The following BTRC variants were observed in gnomAD, a reference collection of about 807,000 sequenced individuals.
BTRC encodes beta-transducin repeat containing E3 ubiquitin protein ligase, also known as F-box/WD repeat-containing protein 1A.
Under a neutral mutation model 85.5 loss-of-function variants are expected in BTRC, and 42 were observed. That is an observed-to-expected ratio of 0.49 (90% CI 0.38 to 0.64). The LOEUF (loss-of-function observed/expected upper bound fraction) is 0.64, where lower values mean the gene tolerates loss of function less well. BTRC is among the 30% of genes least tolerant of loss of function. The pLI, the probability that BTRC is intolerant of heterozygous loss-of-function variation, is 0.00. For synonymous variants in BTRC, 255 were observed against 263.3 expected (o/e 0.97, Z 0.30); for missense variants, 594 against 743.5 (o/e 0.80, Z 2.34).
chr10:101,507,668 G>T (rs1414344664), intron 4 of BTRC, among the ~76,000 whole-genome samples: 1 of 152,114 alleles, frequency 6.6e-6, no homozygotes, highest in Non-Finnish European at 1.5e-5. Context: ...TTTGCTGAAG[G>T]ATGTTGGAAT....
At chr10:101,427,601 C>T (rs1260444665) in intron 1 of BTRC, among the ~76,000 whole-genome samples, 1 of 151,592 alleles carries the variant, frequency 6.6e-6, no homozygotes, top group East Asian at 1.9e-4. Context: ...GATCACCGCT[C>T]ATTGCTGCCC....
intron 2 of BTRC, among the ~76,000 whole-genome samples, chr10:101,447,906 GTAT>G (rs1564778857): frequency 6.6e-6 from 1 of 152,006 alleles, no homozygotes; most frequent in Non-Finnish European, 1.5e-5. Flanking sequence ...AATCAACCAA[GTAT>G]TATTAATATT....
chr10:101,534,730 GC>G lies in BTRC; in HGVS notation c.1168del (p.Arg390ValfsTer6). ...ACCATTGTGAAGCAGTTCTGCACTTGCGTTTCAATAATGGCATGATGGTGAC... is the reference window on the plus strand; with the variant it reads ...ACCATTGTGAAGCAGTTCTGCACTTGGTTTCAATAATGGCATGATGGTGAC... ...IHHCEAVLHL[R>X]FNNGMMVTCS... is the part of the protein sequence containing the mutation. On this transcript the variant is annotated frameshift_variant, in exon 10 of 15. Coordinates refer to ENST00000370187, the MANE Select transcript of BTRC (RefSeq NM_033637.4). LOFTEE classifies it high-confidence loss of function. 2 of 1,614,158 alleles carry G rather than the reference GC, an allele frequency of 1.2e-6. No individual in the cohort carries two copies. Among genetic ancestry groups the G allele is most frequent in the East Asian group, 2.2e-5 (1 of 44,890 alleles).
At chr10:101,370,805 C>T (rs1423262654) in intron 1 of BTRC, among the ~76,000 whole-genome samples, 1 of 152,072 alleles carries the variant, frequency 6.6e-6, no homozygotes, top group East Asian at 1.9e-4. Flanking sequence ...CTCCTGGGCT[C>T]AAGTGATTCA....
intron 13 of BTRC, among the ~76,000 whole-genome samples, chr10:101,541,444 T>C (rs540845825): frequency 1.3e-5 from 2 of 152,070 alleles, no homozygotes; most frequent in Non-Finnish European, 2.9e-5. Context: ...TATTTTTTAG[T>C]AGAGACGGGG....
rs564415359 is a variant in BTRC at position 101,533,146 on chromosome 10, G to A, written c.1097+76G>A. ...GTTCTTTGTCATAGATAGTAATTTT[G>A]TATATATCGGCACAGTTCTGAAACT... On this transcript the variant is annotated intron_variant, in intron 9 of 14. Coordinates refer to ENST00000370187, the MANE Select transcript of BTRC (RefSeq NM_033637.4). 2.0e-5 allele frequency: 21 copies of A among 1,042,020 alleles called. No homozygotes were observed. In the South Asian group the frequency reaches 2.2e-4, roughly 11 times the overall value. The allele number at this position is 1,042,020 out of a possible 1,614,324, so 64.5% of individuals were successfully genotyped here.
At chr10:101,477,677 T>G (rs921931146) in intron 3 of BTRC, among the ~76,000 whole-genome samples, 5 of 152,126 alleles carry the variant, frequency 3.3e-5, no homozygotes, top group Non-Finnish European at 7.3e-5. Flanking sequence ...GGAGACAATG[T>G]CTTGCTCTGT....
At chr10:101,460,316 C>T (rs549678961) in intron 2 of BTRC, among the ~76,000 whole-genome samples, 6 of 152,126 alleles carry the variant, frequency 3.9e-5, no homozygotes, top group Admixed American at 3.9e-4. Flanking sequence ...TCTTACATAG[C>T]ATGTATTGCC....
At chr10:101,441,790 C>T (rs905967149) in intron 2 of BTRC, among the ~76,000 whole-genome samples, 5 of 144,482 alleles carry the variant, frequency 3.5e-5, no homozygotes, top group South Asian at 2.1e-4. Flanking sequence ...CTAAGGCACG[C>T]GAATCGCTTG....
intron 1 of BTRC, among the ~76,000 whole-genome samples, chr10:101,366,997 T>TATAA (rs1171228565): frequency 8.6e-5 from 5 of 58,018 alleles, no homozygotes; most frequent in African/African-American, 3.6e-4. Context: ...TATATATTAA[T>TATAA]ATATATATTT....
At chr10:101,506,975 A>G (rs955109450) in intron 4 of BTRC, among the ~76,000 whole-genome samples, 1 of 152,228 alleles carries the variant, frequency 6.6e-6, no homozygotes, top group Non-Finnish European at 1.5e-5. Flanking sequence ...AGTTCATACC[A>G]TGTCTTAGGA....
At chr10:101,457,981 T>C (rs1447858657) in intron 2 of BTRC, among the ~76,000 whole-genome samples, 1 of 152,152 alleles carries the variant, frequency 6.6e-6, no homozygotes, top group Admixed American at 6.6e-5. Flanking sequence ...CGCACATACA[T>C]CCATTTATGT....
intron 2 of BTRC, among the ~76,000 whole-genome samples, chr10:101,447,801 A>G (rs1214848395): frequency 6.6e-6 from 1 of 152,162 alleles, no homozygotes; most frequent in East Asian, 1.9e-4. Flanking sequence ...CAGTGCTACA[A>G]CGATTATTAA....
chr10:101,433,039 A>G lies in BTRC; in HGVS notation c.156+2587A>G, dbSNP rs150057603. On this transcript the variant is annotated intron_variant, in intron 2 of 14. Transcript: ENST00000370187. The stretch of plus-strand genomic sequence containing the variant: ...TGAATCACATTTGTCCAGTCGCTAA[A>G]TCTCTCAGGCAAGCAGAGATACTCT... 5.5e-3 allele frequency among the ~76,000 whole-genome samples: 841 copies of G among 152,176 alleles called. 11 individuals carry two copies. Among genetic ancestry groups the G allele is most frequent in the South Asian group, 5.6e-3 (27 of 4,818 alleles).
chr10:101,510,891 C>T (rs1946685477), intron 4 of BTRC, among the ~76,000 whole-genome samples: 1 of 152,212 alleles, frequency 6.6e-6, no homozygotes, highest in Admixed American at 6.5e-5. Context: ...CTAATCTAAT[C>T]CTAGCCATAG....
intron 4 of BTRC, among the ~76,000 whole-genome samples, chr10:101,500,683 A>C (rs931935711): frequency 3.3e-5 from 5 of 152,218 alleles, no homozygotes; most frequent in South Asian, 2.1e-4. Flanking sequence ...GTCAGCCATG[A>C]AGAAGGCTAA....
At chr10:101,531,132 CT>C in intron 6 of BTRC, 104 bp from the exon 7 acceptor site, 1 of 906,228 alleles carries the variant, frequency 1.1e-6, no homozygotes, top group Non-Finnish European at 1.7e-6. Flanking sequence ...CATCACACTG[CT>C]GCACTCCAGC....
intron 4 of BTRC, among the ~76,000 whole-genome samples, chr10:101,499,347 G>A (rs559406151): frequency 1.3e-5 from 2 of 151,700 alleles, no homozygotes; most frequent in East Asian, 3.9e-4. Context: ...AGCAATTCTC[G>A]TGAGTAGCCG....
intron 2 of BTRC, among the ~76,000 whole-genome samples, chr10:101,461,451 G>T (rs1945223385): frequency 1.3e-5 from 2 of 152,066 alleles, no homozygotes; most frequent in African/African-American, 4.8e-5. Context: ...AGGTGACAGT[G>T]CCAAGGAATG....
Sources: allele counts gnomAD v4.1 joint callset (sites outside exome capture counted in the v4.1 genomes callset), GRCh38; gene constraint gnomAD v4.1.1; transcripts MANE v1.5; gene names NCBI Gene and HGNC (gene_info 2026-07-23, HGNC 2026-07-21).